PDE12: variants seen among roughly 807,000 people sequenced by gnomAD.
PDE12 encodes phosphodiesterase 12, also known as 2',5'-phosphodiesterase 12.
Under a neutral mutation model 45.4 loss-of-function variants are expected in PDE12, and 26 were observed. The observed-to-expected ratio is 0.57, with a 90% CI of 0.42 to 0.79. PDE12 has a LOEUF of 0.79. Ranked by LOEUF, PDE12 falls within the 30% of genes least tolerant of loss-of-function variation. The probability of loss-of-function intolerance (pLI) is 0.00; values close to 1 mark genes in which losing one functional copy is unlikely to be tolerated. For missense variants in PDE12, 668 were observed against 790.0 expected (o/e 0.85, Z 1.85); for synonymous variants, 283 against 323.9 (o/e 0.87, Z 1.36).
the PDE12 span, among the ~76,000 whole-genome samples, chr3:57,581,194 T>C: frequency 6.6e-6 from 1 of 152,210 alleles, no homozygotes. Flanking sequence ...GTTAAAGCTA[T>C]AGTTTCTTTT....
chr3:57,628,547 CATA>C, the PDE12 span, among the ~76,000 whole-genome samples: 2 of 152,080 alleles, frequency 1.3e-5, no homozygotes, highest in African/African-American at 4.8e-5. Context: ...TATGTAAATT[CATA>C]ATAATACCTA....
At chr3:57,645,792 C>T in the PDE12 span, 2 of 1,511,126 alleles carry the variant, frequency 1.3e-6, no homozygotes, top group Admixed American at 3.5e-5. Context: ...ATAAAGGACA[C>T]AGAAATTAAA....
the PDE12 span, among the ~76,000 whole-genome samples, chr3:57,616,049 C>T: frequency 4.6e-5 from 7 of 152,084 alleles, no homozygotes; most frequent in African/African-American, 9.7e-5. Context: ...ACAGGCCAGG[C>T]GTGCTGCTCA....
chr3:57,645,672 A>G, the PDE12 span: 34 of 1,611,200 alleles, frequency 2.1e-5, no homozygotes, highest in Non-Finnish European at 2.8e-5. Flanking sequence ...GAGCTTGGGT[A>G]CGGGTAGTAT....
In PDE12 at chr3:57,556,336, G is replaced by A; in HGVS notation, c.-44G>A. 1 of 1,508,776 alleles carries A rather than the reference G, an allele frequency of 6.6e-7. No individual in the cohort carries two copies. Among genetic ancestry groups the A allele is most frequent in the Non-Finnish European group, 8.9e-7 (1 of 1,126,982 alleles). The allele number at this position is 1,508,776 out of a possible 1,614,324, so 93.5% of individuals were successfully genotyped here. A position where few individuals can be genotyped will look rare whatever the true frequency, so the allele number is the denominator to read the frequency against. ...CCTCAGCTCCACCTGACAGTAGGCC[G>A]CTGATCGGCCGCGGGTCTTGTCGAC... On this transcript the variant is annotated 5_prime_UTR_variant, in exon 1 of 3. Coordinates refer to ENST00000311180, the MANE Select transcript of PDE12 (RefSeq NM_177966.7). This position sits in a 1 kb window ranked among gnomAD's most constrained non-coding sequence, Gnocchi z 5.0.
chr3:57,573,811 G>C, the PDE12 span, among the ~76,000 whole-genome samples: 1 of 152,236 alleles, frequency 6.6e-6, no homozygotes, highest in East Asian at 1.9e-4. Flanking sequence ...CGAACTCCTG[G>C]TCTCAAGTGA....
the PDE12 span, among the ~76,000 whole-genome samples, chr3:57,602,720 G>A: frequency 3.3e-5 from 5 of 152,126 alleles, 1 homozygote; most frequent in Admixed American, 6.5e-5. Flanking sequence ...ACAGGCGTGC[G>A]CCACTACGCC....
the PDE12 span, among the ~76,000 whole-genome samples, chr3:57,583,328 C>G: frequency 3.9e-5 from 6 of 152,074 alleles, no homozygotes; most frequent in Admixed American, 1.3e-4. Context: ...AGGGGATGAT[C>G]CAGGTCTTGG....
chr3:57,615,954 A>C, the PDE12 span, among the ~76,000 whole-genome samples: 1,785 of 152,264 alleles, frequency 0.012, 33 homozygotes, highest in African/African-American at 0.04. Context: ...TAATGAGGGA[A>C]TAATTTCATG....
chr3:57,649,069 A>G, the PDE12 span, among the ~76,000 whole-genome samples: 13 of 152,194 alleles, frequency 8.5e-5, no homozygotes, highest in Admixed American at 2.0e-4. Context: ...GAGTAAACAG[A>G]CAACTCACAG....
Position 57,557,128 on chromosome 3 carries a change from G to T in PDE12, c.749G>T (p.Cys250Phe). The T allele has an allele frequency of 6.2e-7, 1 of 1,614,050 alleles. No individual in the cohort carries two copies. The highest frequency in any genetic ancestry group is 2.2e-5 in the East Asian group (1 of 44,858). The change falls in exon 1 of 3, where the codon TGC becomes TTC. Residue 250 changes from cysteine (C) to phenylalanine (F), a missense_variant. Coordinates refer to ENST00000311180, the MANE Select transcript of PDE12 (RefSeq NM_177966.7). ...ATCGGGCTAAGGCTCAAGCTTCACTGCACCCCAGGCGATGGGCAGCGCTTT... is the reference window on the plus strand; with the variant it reads ...ATCGGGCTAAGGCTCAAGCTTCACTTCACCCCAGGCGATGGGCAGCGCTTT... ...ADIGLRLKLH[C>F]TPGDGQRFGH... is the part of the protein sequence containing the mutation.
At chr3:57,629,575 G>C in the PDE12 span, among the ~76,000 whole-genome samples, 93 of 144,230 alleles carry the variant, frequency 6.4e-4, 1 homozygote, top group African/African-American at 2.3e-3. Flanking sequence ...ACAGTGGCGC[G>C]ATCTCAGCTC....
chr3:57,614,531 T>TG, the PDE12 span, among the ~76,000 whole-genome samples: 45 of 118,460 alleles, frequency 3.8e-4, no homozygotes, highest in Non-Finnish European at 4.4e-4. Flanking sequence ...CCGTTTTTTT[T>TG]TTTTTGTTTT....
chr3:57,595,307 T>C, the PDE12 span, among the ~76,000 whole-genome samples: 2 of 152,210 alleles, frequency 1.3e-5, no homozygotes. Flanking sequence ...TTCTGGAACA[T>C]AACCATATAT....
chr3:57,596,111 G>C, the PDE12 span, among the ~76,000 whole-genome samples: 2 of 152,114 alleles, frequency 1.3e-5, no homozygotes, highest in South Asian at 2.1e-4. Context: ...AACCGGGAGC[G>C]GTTGCTTACT....
At chr3:57,599,033 G>A in the PDE12 span, among the ~76,000 whole-genome samples, 2 of 152,272 alleles carry the variant, frequency 1.3e-5, no homozygotes, top group Non-Finnish European at 2.9e-5. Flanking sequence ...GCCTCAGGAG[G>A]TCTTGTAGAC....
chr3:57,595,982 C>A, the PDE12 span, among the ~76,000 whole-genome samples: 4 of 151,436 alleles, frequency 2.6e-5, no homozygotes, highest in African/African-American at 7.3e-5. Flanking sequence ...AAAAATAAAA[C>A]CTCCTCCGGT....
At chr3:57,634,546 G>T in the PDE12 span, 1 of 1,309,004 alleles carries the variant, frequency 7.6e-7, no homozygotes, top group Non-Finnish European at 1.0e-6. Context: ...AATAATATGA[G>T]CAACTAATTA....
downstream of PDE12, among the ~76,000 whole-genome samples, chr3:57,568,195 G>A (rs1031349931): frequency 4.6e-5 from 7 of 151,990 alleles, no homozygotes; most frequent in African/African-American, 1.7e-4. Flanking sequence ...AAGGCAGAGT[G>A]GCTCATACCT....
Sources: allele counts gnomAD v4.1 joint callset (sites outside exome capture counted in the v4.1 genomes callset), GRCh38; gene constraint gnomAD v4.1.1; non-coding constraint Gnocchi (gnomAD v3.1); transcripts MANE v1.5; gene names NCBI Gene and HGNC (gene_info 2026-07-23, HGNC 2026-07-21).